XRCC5: variants seen among roughly 807,000 people sequenced by gnomAD.
XRCC5 encodes the protein X-ray repair cross complementing 5.
XRCC5 carries 12 observed loss-of-function variants against 95.7 expected under a neutral mutation model. The ratio of observed to expected loss-of-function variants is 0.13; its 90% CI spans 0.08 to 0.20. The LOEUF is 0.20. Ranked by LOEUF, XRCC5 falls within the 10% of genes least tolerant of loss-of-function variation. The pLI, the probability that XRCC5 is intolerant of heterozygous loss-of-function variation, is 1.00. For synonymous variants in XRCC5, 281 were observed against 290.3 expected (o/e 0.97, Z 0.33); for missense variants, 595 against 873.9 (o/e 0.68, Z 4.02).
intron 7 of XRCC5, 83 bp from the exon 8 acceptor site, chr2:216,127,453 G>A: frequency 1.4e-6 from 2 of 1,472,268 alleles, no homozygotes; most frequent in Non-Finnish European, 1.8e-6. Flanking sequence ...TTTTGTCTGT[G>A]CCAGAGAGTG....
intron 8 of XRCC5, 162 bp downstream of exon 8, chr2:216,127,836 T>G: frequency 6.9e-6 from 5 of 721,844 alleles, no homozygotes; most frequent in Non-Finnish European, 1.0e-5. Context: ...TTTAGCTCAT[T>G]TGTTGGGTCT....
intron 14 of XRCC5, among the ~76,000 whole-genome samples, chr2:216,157,958 T>C (rs1688878318): frequency 6.6e-6 from 1 of 152,196 alleles, no homozygotes; most frequent in Non-Finnish European, 1.5e-5. Context: ...TATGCAAAAT[T>C]CCTAATAATG....
At chr2:216,192,611 C>T (rs755157202) in intron 17 of XRCC5, 28 bp from the exon 18 acceptor site, 21 of 1,532,960 alleles carry the variant, frequency 1.4e-5, no homozygotes, top group Non-Finnish European at 1.8e-5. Flanking sequence ...TGACTTGCTG[C>T]CTCCTCTACC....
chr2:216,179,683 A>T (rs2106039250), intron 16 of XRCC5, among the ~76,000 whole-genome samples: 1 of 152,350 alleles, frequency 6.6e-6, no homozygotes, highest in East Asian at 1.9e-4. Flanking sequence ...TAGAAGCATC[A>T]GGGAGGTCCG....
intron 16 of XRCC5, among the ~76,000 whole-genome samples, chr2:216,186,947 C>T (rs781299178): frequency 2.0e-5 from 3 of 152,266 alleles, no homozygotes; most frequent in Non-Finnish European, 4.4e-5. Context: ...TGAAGTGCCA[C>T]AAAACTTTGG....
At chr2:216,167,554 G>A (rs886074594) in intron 16 of XRCC5, among the ~76,000 whole-genome samples, 4 of 142,168 alleles carry the variant, frequency 2.8e-5, no homozygotes, top group East Asian at 2.1e-4. Context: ...AATCTCTCTC[G>A]TGTGTGTGTG....
intron 13 of XRCC5, 37 bp from the exon 14 acceptor site, chr2:216,148,046 T>C: frequency 6.3e-7 from 1 of 1,586,370 alleles, no homozygotes; most frequent in South Asian, 1.2e-5. Context: ...CATATATGTC[T>C]CCATCTGTGT....
chr2:216,179,700 T>C (rs1689346563), intron 16 of XRCC5, among the ~76,000 whole-genome samples: 2 of 152,164 alleles, frequency 1.3e-5, no homozygotes, highest in Admixed American at 6.5e-5. Context: ...TCCGTGTGAC[T>C]GGAGCAAAGA....
At chr2:216,175,871 CT>C in intron 16 of XRCC5, 2 of 427,628 alleles carry the variant, frequency 4.7e-6, no homozygotes, top group Non-Finnish European at 9.0e-6. Flanking sequence ...AAAATGTTCT[CT>C]TAACCCATCA....
intron 13 of XRCC5, among the ~76,000 whole-genome samples, chr2:216,144,410 A>G (rs143141346): frequency 8.5e-5 from 13 of 152,332 alleles, no homozygotes; most frequent in Non-Finnish European, 1.8e-4. Context: ...GCAGTGGGTA[A>G]TTAAAGAATT....
intron 10 of XRCC5, among the ~76,000 whole-genome samples, chr2:216,134,676 C>A (rs931924986): frequency 2.0e-5 from 3 of 151,206 alleles, no homozygotes; most frequent in East Asian, 3.9e-4. Flanking sequence ...TGATCCACCC[C>A]CCCCCCTCCT....
chr2:216,131,976 C>T lies in XRCC5; in HGVS notation c.1051-349C>T, dbSNP rs534302757. Reference sequence around the variant, plus strand: ...ACCGTTTGCAGAAACCTTCCCTGATCCCTCATGACCAGGCTTGGTGCCCTC... The same window carrying T: ...ACCGTTTGCAGAAACCTTCCCTGATTCCTCATGACCAGGCTTGGTGCCCTC... On this transcript the variant is annotated intron_variant, in intron 9 of 20. Coordinates refer to ENST00000392132, the MANE Select transcript of XRCC5 (RefSeq NM_021141.4). 1.1e-4 allele frequency among the ~76,000 whole-genome samples: 16 copies of T among 152,312 alleles called. 1 individual carries two copies. Among genetic ancestry groups the T allele is most frequent in the Admixed American group, 1.0e-3 (16 of 15,300 alleles).
chr2:216,198,924 A>G (rs6747119), intron 19 of XRCC5, among the ~76,000 whole-genome samples: 31,208 of 152,048 alleles, frequency 0.21, 4,596 homozygotes, highest in African/African-American at 0.42. Context: ...TGTACATGTA[A>G]ATGATAATGG....
At position 216,141,385 on chromosome 2, in the gene XRCC5, G is replaced by C. The variant is rs41296402; in HGVS notation, c.1476+66G>C. ...GAAAGAGAGCTAAGTGCAAAGTTGC[G>C]GTAATTGGCCAGTCCTAAATAAATG... On this transcript the variant is annotated intron_variant, in intron 13 of 20. Coordinates refer to ENST00000392132, the MANE Select transcript of XRCC5 (RefSeq NM_021141.4). The C allele has an allele frequency of 6.4e-5, 101 of 1,584,370 alleles. No individual in the cohort carries two copies. In the African/African-American group the frequency reaches 1.3e-3, roughly 20 times the overall value.
intron 19 of XRCC5, among the ~76,000 whole-genome samples, chr2:216,201,044 G>A (rs1445282505): frequency 6.6e-6 from 1 of 152,108 alleles, no homozygotes; most frequent in African/African-American, 2.4e-5. Context: ...CCTAAGATAG[G>A]TATGGTAAGT....
intron 16 of XRCC5, among the ~76,000 whole-genome samples, chr2:216,173,273 A>G (rs1034852656): frequency 6.6e-6 from 1 of 152,080 alleles, no homozygotes; most frequent in South Asian, 2.1e-4. Context: ...GAATAGAAAT[A>G]AGAGTGAACA....
rs557710018 is a variant in XRCC5 at position 216,160,048 on chromosome 2, AT to A, written c.1671-10del. The stretch of plus-strand genomic sequence containing the variant: ...TTTTGTATTGTTTGTTCTAAGAGAA[AT>A]TTTTTTTTTCTTTTCTAGCCATGAA... On this transcript the variant is annotated intron_variant, in intron 14 of 20. Transcript: ENST00000392132. 1,309 of 1,428,428 alleles carry A rather than the reference AT, an allele frequency of 9.2e-4. No individual in the cohort carries two copies. Among genetic ancestry groups the A allele is most frequent in the South Asian group, 9.2e-4 (71 of 77,280 alleles). 88.5% of individuals were successfully genotyped at this position (1,428,428 alleles called of 1,614,324 possible).
At chr2:216,196,792 C>G (rs923651840) in intron 19 of XRCC5, among the ~76,000 whole-genome samples, 2 of 152,146 alleles carry the variant, frequency 1.3e-5, no homozygotes, top group Non-Finnish European at 2.9e-5. Flanking sequence ...TTAATCACAT[C>G]TACAAAATAC....
At chr2:216,163,896 G>A (rs979962113) in intron 16 of XRCC5, among the ~76,000 whole-genome samples, 5 of 152,224 alleles carry the variant, frequency 3.3e-5, no homozygotes, top group African/African-American at 1.2e-4. Flanking sequence ...TGAGATGGAA[G>A]AAGAGCTTTT....
Sources: allele counts gnomAD v4.1 joint callset (sites outside exome capture counted in the v4.1 genomes callset), GRCh38; gene constraint gnomAD v4.1.1; transcripts MANE v1.5; gene names NCBI Gene and HGNC (gene_info 2026-07-23, HGNC 2026-07-21).